TRPV2: variants seen among roughly 807,000 people sequenced by gnomAD.
The protein encoded by TRPV2 is transient receptor potential cation channel subfamily V member 2, also known as OTRPC2.
A neutral mutation model predicts 91.0 loss-of-function variants in TRPV2; 58 were observed. That is an observed-to-expected ratio of 0.64 (90% CI 0.52 to 0.79). The LOEUF is 0.79. Ranked by LOEUF, TRPV2 falls within the 30% of genes least tolerant of loss-of-function variation. The pLI, the probability that TRPV2 is intolerant of heterozygous loss-of-function variation, is 0.00. For synonymous variants in TRPV2, 417 were observed against 414.8 expected (o/e 1.01, Z -0.06); for missense variants, 807 against 969.6 (o/e 0.83, Z 2.23).
At chr17:16,418,027 C>T (rs548649970) in intron 2 of TRPV2, among the ~76,000 whole-genome samples, 159 bp downstream of exon 2, 2 of 152,356 alleles carry the variant, frequency 1.3e-5, no homozygotes, top group South Asian at 4.1e-4. Flanking sequence ...CGACAGGCTG[C>T]CTCTGCTCTG....
chr17:16,436,230 G>A (rs2093433476), intron 14 of TRPV2, among the ~76,000 whole-genome samples: 1 of 152,112 alleles, frequency 6.6e-6, no homozygotes, highest in South Asian at 2.1e-4. Flanking sequence ...ACCCATTGCA[G>A]TCCTGCTAAT....
At chr17:16,423,415 T>C (rs1203807247) in intron 4 of TRPV2, 54 bp from the exon 5 acceptor site, 21 of 1,544,066 alleles carry the variant, frequency 1.4e-5, no homozygotes, top group Middle Eastern at 1.7e-4. Context: ...GCATGAGGAG[T>C]AGGCAGATGG....
In TRPV2 at chr17:16,427,535, C is replaced by A; in HGVS notation, c.1338C>A (p.Leu446=). The A allele has an allele frequency of 1.2e-6, 2 of 1,612,172 alleles. No individual in the cohort carries two copies. Among genetic ancestry groups the A allele is most frequent in the Non-Finnish European group, 1.7e-6 (2 of 1,178,774 alleles). ...HILILLGGIY[L]LVGQLWYFWR... ...TTATCCTGCTAGGGGGGATCTACCT[C>A]CTCGTGGGCCAGGTGAGTGCCCCTC... Residue 446 remains leucine (L), a synonymous_variant, in exon 8 of 15, where the codon CTC becomes CTA. Transcript: ENST00000338560.
At chr17:16,434,463 A>G (rs1307854013) in intron 13 of TRPV2, among the ~76,000 whole-genome samples, 3 of 104,086 alleles carry the variant, frequency 2.9e-5, no homozygotes, top group Middle Eastern at 4.8e-3. Context: ...GCGAGACTCC[A>G]TCTCAAAAAA....
intron 10 of TRPV2, among the ~76,000 whole-genome samples, chr17:16,431,279 ATATATATACATATTTTTTTT>A (rs1358967554): frequency 1.7e-4 from 13 of 74,982 alleles, no homozygotes; most frequent in African/African-American, 5.7e-4. Flanking sequence ...ATATATATAT[ATATATATACATATTTTTTTT>A]TTTTTTTTTT....
chr17:16,432,329 C>G (rs2093417157), intron 12 of TRPV2, 29 bp downstream of exon 12: 2 of 1,574,426 alleles, frequency 1.3e-6, no homozygotes, highest in Non-Finnish European at 1.7e-6. Context: ...CCTGCCCCCA[C>G]CCCACCCCAC....
chr17:16,421,412 G>T (rs1303369227), intron 3 of TRPV2, among the ~76,000 whole-genome samples: 7 of 150,786 alleles, frequency 4.6e-5, no homozygotes, highest in Non-Finnish European at 1.0e-4. Flanking sequence ...TAGAGACAGG[G>T]TTTCACCGTT....
In TRPV2 at chr17:16,426,534, G is replaced by A. The variant is rs948697439; in HGVS notation, c.1096-188G>A. Among the ~76,000 whole-genome samples the A allele has an allele frequency of 3.3e-5, 5 of 152,320 alleles. No homozygotes were observed. Among genetic ancestry groups the A allele is most frequent in the African/African-American group, 1.2e-4 (5 of 41,572 alleles). On this transcript the variant is annotated intron_variant, in intron 6 of 14. Transcript: ENST00000338560. This position sits in a 1 kb window ranked among gnomAD's most constrained non-coding sequence, Gnocchi z 6.0. ...TCTGTTAACCAGCATCTCATTTGGA[G>A]GGCAAGCCCCTTAGTCACACTGTAG... is the stretch of plus-strand genomic sequence containing the variant.
At chr17:16,431,750 T>G in intron 10 of TRPV2, 34 bp from the exon 11 acceptor site, 5 of 1,609,106 alleles carry the variant, frequency 3.1e-6, no homozygotes, top group Middle Eastern at 1.7e-4. Flanking sequence ...GTGGCCCAGC[T>G]ACCCACCCTG....
intron 1 of TRPV2, 110 bp from the exon 2 acceptor site, chr17:16,417,452 C>T: frequency 2.0e-6 from 1 of 488,658 alleles, no homozygotes. Context: ...CCATGTTGGT[C>T]AGGCTGGTCT....
chr17:16,418,768 G>A (rs1237107574), intron 2 of TRPV2, among the ~76,000 whole-genome samples: 1 of 152,068 alleles, frequency 6.6e-6, no homozygotes, highest in Non-Finnish European at 1.5e-5. Context: ...TGCCACCCTG[G>A]TGACAGAAAG....
At chr17:16,427,683 G>T in intron 8 of TRPV2, 136 bp downstream of exon 8, 1 of 792,810 alleles carries the variant, frequency 1.3e-6, no homozygotes, top group Non-Finnish European at 1.9e-6. Flanking sequence ...TGAAGCTGAG[G>T]GCCAGAGGTT....
intron 4 of TRPV2, 25 bp from the exon 5 acceptor site, chr17:16,423,444 C>A: frequency 6.4e-7 from 1 of 1,572,696 alleles, no homozygotes; most frequent in Non-Finnish European, 8.6e-7. Flanking sequence ...AGGCCTGGGG[C>A]CCAAGCTGCT....
intron 5 of TRPV2, among the ~76,000 whole-genome samples, chr17:16,424,301 G>A (rs1364712955): frequency 6.6e-6 from 1 of 152,116 alleles, no homozygotes; most frequent in Non-Finnish European, 1.5e-5. Context: ...GGGATTACAG[G>A]CACCCACCAC....
intron 2 of TRPV2, chr17:16,419,376 A>G (rs1296887558): frequency 2.1e-6 from 1 of 469,606 alleles, no homozygotes; most frequent in Non-Finnish European, 4.4e-6. Flanking sequence ...GGTGTCTGAT[A>G]TGTTTCAACA....
intron 3 of TRPV2, among the ~76,000 whole-genome samples, chr17:16,420,932 A>G (rs1477622447): frequency 5.9e-5 from 9 of 152,004 alleles, no homozygotes; most frequent in African/African-American, 2.2e-4. Flanking sequence ...GACTTTCTTA[A>G]TACATCAGTA....
chr17:16,426,960 G>A lies in TRPV2; in HGVS notation c.1251+83G>A, dbSNP rs2093386385. The A allele has an allele frequency of 2.6e-5, 39 of 1,481,092 alleles. No individual in the cohort carries two copies. Among genetic ancestry groups the A allele is most frequent in the Non-Finnish European group, 3.6e-5 (39 of 1,092,058 alleles). The allele number at this position is 1,481,092 out of a possible 1,614,324, so 91.7% of individuals were successfully genotyped here. A position where few individuals can be genotyped will look rare whatever the true frequency, so the allele number is the denominator to read the frequency against. The stretch of plus-strand genomic sequence containing the variant: ...TGGGGGAAGATGGGGCAGTAATAGT[G>A]CTGAGGCATGGGCTGCTGGAGTGAC... On this transcript the variant is annotated intron_variant, in intron 7 of 14. Transcript: ENST00000338560. This position sits in a 1 kb window ranked among gnomAD's most constrained non-coding sequence, Gnocchi z 6.0.
chr17:16,417,298 C>T (rs2093335503), intron 1 of TRPV2, among the ~76,000 whole-genome samples: 1 of 147,570 alleles, frequency 6.8e-6, no homozygotes, highest in Non-Finnish European at 1.5e-5. Context: ...TGCTCTGTTG[C>T]CCAGGCTGGA....
At position 16,422,750 on chromosome 17, in the gene TRPV2, A is replaced by G; in HGVS notation, c.486A>G (p.Arg162=). ...CCCAGTGCACAGATGACTATTACCG[A>G]GGCCACAGCGCTCTGCACATCGCCA... ...VNAQCTDDYY[R]GHSALHIAIE... Residue 162 remains arginine, a synonymous_variant, in exon 4 of 15, where the codon CGA becomes CGG. Transcript: ENST00000338560. 1 of 1,585,090 alleles carries G rather than the reference A, an allele frequency of 6.3e-7. No individual in the cohort carries two copies. The highest frequency in any genetic ancestry group is 8.6e-7 in the Non-Finnish European group (1 of 1,164,410).
Sources: gnomAD v4.1 joint callset for allele counts (sites outside exome capture counted in the v4.1 genomes callset) on GRCh38, gnomAD v4.1.1 for gene constraint, Gnocchi (gnomAD v3.1) non-coding constraint, MANE v1.5 for transcripts, NCBI Gene and HGNC (gene_info 2026-07-23, HGNC 2026-07-21) for gene names.